BEGAIN: variants seen among roughly 807,000 people sequenced by gnomAD.
The protein encoded by BEGAIN is brain-enriched guanylate kinase-associated protein.
BEGAIN carries 19 observed loss-of-function variants against 35.8 expected under a neutral mutation model. The observed-to-expected ratio is 0.53, with a 90% CI of 0.37 to 0.78. BEGAIN has a LOEUF of 0.78. Among genes scored for constraint, BEGAIN ranks in the 30% least tolerant of loss-of-function variants. The probability of loss-of-function intolerance (pLI) is 0.00; values close to 1 mark genes in which losing one functional copy is unlikely to be tolerated. For missense variants in BEGAIN, 795 were observed against 853.6 expected, an observed-to-expected ratio of 0.93 and a Z score of 0.85; for synonymous variants, 462 against 388.6, an observed-to-expected ratio of 1.19 and a Z score of -2.22.
At chr14:100,560,693 C>T (rs1157943722) in intron 2 of BEGAIN, among the ~76,000 whole-genome samples, 1 of 152,232 alleles carries the variant, frequency 6.6e-6, no homozygotes, top group East Asian at 1.9e-4. Context: ...AAACCCGGAC[C>T]ATCACCCATG....
intron 2 of BEGAIN, among the ~76,000 whole-genome samples, chr14:100,561,514 C>T (rs139031170): frequency 1.9e-4 from 29 of 152,140 alleles, no homozygotes; most frequent in African/African-American, 6.0e-4. Flanking sequence ...TTTGGGAGGC[C>T]GAGGCAGGAG....
intron 2 of BEGAIN, among the ~76,000 whole-genome samples, chr14:100,555,316 C>T (rs2033605495): frequency 6.6e-6 from 1 of 152,390 alleles, no homozygotes; most frequent in African/African-American, 2.4e-5. Flanking sequence ...GGAGCCTCTC[C>T]TGTGCCGGTG....
chr14:100,583,108 C>T (rs2035357228), intron 1 of BEGAIN, among the ~76,000 whole-genome samples: 1 of 151,612 alleles, frequency 6.6e-6, no homozygotes, highest in Non-Finnish European at 1.5e-5. Flanking sequence ...GGGCACTCAT[C>T]TGTTCACTGG....
intron 2 of BEGAIN, among the ~76,000 whole-genome samples, chr14:100,550,098 G>A (rs954700072): frequency 1.3e-5 from 2 of 152,192 alleles, no homozygotes; most frequent in East Asian, 3.9e-4. Flanking sequence ...GTGATTCTTG[G>A]CTCCCTCCTT....
rs922551340 is a variant in BEGAIN, at chr14:100,573,595, G to A, written c.43-5656C>T. 6.6e-6 allele frequency among the ~76,000 whole-genome samples: 1 copy of A among 151,684 alleles called. No homozygotes were observed. Among genetic ancestry groups the A allele is most frequent in the Non-Finnish European group, 1.5e-5 (1 of 67,880 alleles). On this transcript the variant is annotated intron_variant, in intron 1 of 6. Transcript: ENST00000554140. This position sits in a 1 kb window ranked among gnomAD's most constrained non-coding sequence, Gnocchi z 4.2. ...GGGGTGGAGGTGGGAGGGATTCTCA[G>A]ATTCCCAGGCAGTCTAGAAGCAGAC...
rs1286161134 is a variant in BEGAIN, at chr14:100,573,975, A to G, written c.43-6036T>C. Among the ~76,000 whole-genome samples the G allele has an allele frequency of 6.6e-6, 1 of 151,920 alleles. No individual in the cohort carries two copies. The highest frequency in any genetic ancestry group is 2.4e-5 in the African/African-American group (1 of 41,352). On this transcript the variant is annotated intron_variant, in intron 1 of 6. Transcript: ENST00000554140. This position sits in a 1 kb window ranked among gnomAD's most constrained non-coding sequence, Gnocchi z 4.2. ...GGAGGTGGGAGGAGAGTCTGCATTA[A>G]GGGTGGAGGTGGTCCTTCGGGGGCT...
At chr14:100,539,592 G>A (rs1346705821) in intron 6 of BEGAIN, among the ~76,000 whole-genome samples, 6 of 152,124 alleles carry the variant, frequency 3.9e-5, no homozygotes, top group Non-Finnish European at 2.9e-5. Flanking sequence ...CCCAGAAGCT[G>A]CAGTCGCCTG....
chr14:100,546,730 A>G (rs1385604654), intron 2 of BEGAIN, 68 bp from the exon 3 acceptor site: 1 of 1,434,632 alleles, frequency 7.0e-7, no homozygotes, highest in Admixed American at 2.8e-5. Flanking sequence ...CCCGCAGGCC[A>G]GCCGGGGCGT....
chr14:100,541,168 T>C (rs1470128760), intron 5 of BEGAIN, among the ~76,000 whole-genome samples: 2 of 152,250 alleles, frequency 1.3e-5, no homozygotes, highest in African/African-American at 4.8e-5. Context: ...CCTCCTGAGC[T>C]GAAAACAGAT....
rs552696098 is a variant in BEGAIN at position 100,573,594 on chromosome 14, A to G, written c.43-5655T>C. Among the ~76,000 whole-genome samples the G allele has an allele frequency of 1.3e-5, 2 of 151,674 alleles. No homozygotes were observed. Among genetic ancestry groups the G allele is most frequent in the African/African-American group, 4.8e-5 (2 of 41,308 alleles). ...TGGGGTGGAGGTGGGAGGGATTCTC[A>G]GATTCCCAGGCAGTCTAGAAGCAGA... On this transcript the variant is annotated intron_variant, in intron 1 of 6. Coordinates refer to ENST00000554140, the MANE Select transcript of BEGAIN (RefSeq NM_001385089.1). This position sits in a 1 kb window ranked among gnomAD's most constrained non-coding sequence, Gnocchi z 4.2.
intron 1 of BEGAIN, among the ~76,000 whole-genome samples, chr14:100,580,017 A>G (rs1170630892): frequency 7.0e-6 from 1 of 142,096 alleles, no homozygotes; most frequent in Non-Finnish European, 1.5e-5. Context: ...TTAAAATCAC[A>G]GACCAGGCCG....
At chr14:100,585,456 C>T (rs868501299) in intron 1 of BEGAIN, among the ~76,000 whole-genome samples, 3 of 132,192 alleles carry the variant, frequency 2.3e-5, no homozygotes, top group African/African-American at 8.1e-5. Flanking sequence ...ATCCATCCAT[C>T]CATTCATCCA....
rs538598358 is a variant in BEGAIN, at chr14:100,550,378, G to A, written c.72-3716C>T. ...ACGGGACAGATGTCTGGGGACAGAC[G>A]CAGAGACACCAGGGAGCCGGGGGAG... On this transcript the variant is annotated intron_variant, in intron 2 of 6. Transcript: ENST00000554140. 24 of 399,028 alleles carry A rather than the reference G, an allele frequency of 6.0e-5. No homozygotes were observed. In the Middle Eastern group the frequency reaches 1.9e-3, roughly 31 times the overall value. The allele number at this position is 399,028 out of a possible 1,614,324, so 24.7% of individuals were successfully genotyped here.
intron 2 of BEGAIN, among the ~76,000 whole-genome samples, chr14:100,559,830 CAA>C (rs1384083693): frequency 1.3e-5 from 2 of 152,348 alleles, no homozygotes; most frequent in African/African-American, 2.4e-5. Context: ...CACTCACACT[CAA>C]GAGGCAAGAC....
chr14:100,546,763 GGC>G (rs145452191), intron 2 of BEGAIN, 101 bp from the exon 3 acceptor site: 20,838 of 731,454 alleles, frequency 0.028, 333 homozygotes, highest in East Asian at 0.088. Context: ...CGCGAGTACC[GGC>G]GCGCGCGCGC....
intron 2 of BEGAIN, chr14:100,549,034 C>A (rs571259297): frequency 6.6e-6 from 1 of 152,436 alleles, no homozygotes; most frequent in South Asian, 2.1e-4. Flanking sequence ...TGTCCGCTTG[C>A]TGCAGGCATC....
Position 100,538,955 on chromosome 14 carries a change from C to T in BEGAIN, c.853G>A (p.Ala285Thr), listed in dbSNP as rs1413119288. 6.2e-7 allele frequency: 1 copy of T among 1,609,340 alleles called. No individual in the cohort carries two copies. Residue 285 changes from alanine to threonine, a missense_variant, in exon 7 of 7, where the codon GCG becomes ACG. By Grantham distance (58) the Ala-to-Thr change is moderately conservative. Transcript: ENST00000554140. ...FLRAQNSTDS[A>T]AEEEEEAEAA... ...TCGGCCTCCTCCTCCTCCTCGGCCG[C>T]GCTGTCAGTGGAGTTCTGGGCCCGC...
chr14:100,551,733 C>T (rs925748635), intron 2 of BEGAIN, among the ~76,000 whole-genome samples: 1 of 152,060 alleles, frequency 6.6e-6, no homozygotes, highest in African/African-American at 2.4e-5. Context: ...CATTAGCACC[C>T]ATGGGTCAGG....
intron 2 of BEGAIN, chr14:100,549,311 A>G (rs1257965254): frequency 6.6e-6 from 1 of 152,462 alleles, no homozygotes; most frequent in East Asian, 1.9e-4. Context: ...GTCAGGCTCC[A>G]TACCCTCACC....
Sources: gnomAD v4.1 joint callset for allele counts (sites outside exome capture counted in the v4.1 genomes callset) on GRCh38, gnomAD v4.1.1 for gene constraint, Gnocchi (gnomAD v3.1) non-coding constraint, MANE v1.5 for transcripts, NCBI Gene and HGNC (gene_info 2026-07-23, HGNC 2026-07-21) for gene names.